The following SZRD1 variants were observed in gnomAD, a reference collection of about 807,000 sequenced individuals.
SZRD1 encodes the protein SUZ RNA binding domain containing 1, also known as SUZ RNA-binding domain-containing.
SZRD1 carries 7 observed loss-of-function variants against 17.6 expected under a neutral mutation model. The observed-to-expected ratio is 0.40, with a 90% CI of 0.23 to 0.75. SZRD1 has a LOEUF of 0.75. Ranked by LOEUF, SZRD1 falls within the 30% of genes least tolerant of loss-of-function variation. The probability of loss-of-function intolerance (pLI) is 0.38; values close to 1 mark genes in which losing one functional copy is unlikely to be tolerated. For synonymous variants in SZRD1, 77 were observed against 77.9 expected (o/e 0.99, Z 0.06); for missense variants, 178 against 201.8 (o/e 0.88, Z 0.71).
intron 1 of SZRD1, among the ~76,000 whole-genome samples, chr1:16,373,307 C>G (rs977773188): frequency 6.6e-6 from 1 of 150,952 alleles, no homozygotes; most frequent in Non-Finnish European, 1.5e-5. Flanking sequence ...TTGCCGGACA[C>G]GATGGCTCAT....
chr1:16,389,080 C>CTT (rs779460255), intron 1 of SZRD1, among the ~76,000 whole-genome samples: 193 of 114,874 alleles, frequency 1.7e-3, no homozygotes, highest in African/African-American at 1.8e-3. Context: ...TAGTTATTTC[C>CTT]TTTTTTTTTT....
intron 3 of SZRD1, among the ~76,000 whole-genome samples, chr1:16,394,217 T>C (rs906476677): frequency 2.0e-5 from 3 of 152,210 alleles, no homozygotes. Context: ...TTTGAAGAGA[T>C]ACCTGTTCTT....
intron 1 of SZRD1, among the ~76,000 whole-genome samples, chr1:16,384,068 C>G (rs932108569): frequency 1.3e-5 from 2 of 152,100 alleles, no homozygotes; most frequent in African/African-American, 4.8e-5. Flanking sequence ...GTGTCCCTCT[C>G]TGGGATTAGT....
In SZRD1 at chr1:16,391,317, C is replaced by CT. The variant is rs367782069; in HGVS notation, c.52-57dup. The CT allele has an allele frequency of 1.8e-3, 2,320 of 1,314,146 alleles. 31 individuals carry two copies. The African/African-American group carries it at 0.029, about 16-fold the overall frequency. The allele number at this position is 1,314,146 out of a possible 1,614,324, so 81.4% of individuals were successfully genotyped here. ...CTGCCCTTAGCTCCAAAAATAAAGA[C>CT]TAAGTTTTTATTTGAGAGAGATTTT... On this transcript the variant is annotated intron_variant, in intron 1 of 3. Transcript: ENST00000401088. This position sits in a 1 kb window ranked among gnomAD's most constrained non-coding sequence, Gnocchi z 4.3.
intron 1 of SZRD1, among the ~76,000 whole-genome samples, chr1:16,376,662 C>T (rs936903341): frequency 6.6e-6 from 1 of 151,058 alleles, no homozygotes; most frequent in Admixed American, 6.6e-5. Flanking sequence ...AAAAATTAGC[C>T]AGGTGTGGTG....
At chr1:16,394,311 A>G (rs2085268719) in intron 3 of SZRD1, among the ~76,000 whole-genome samples, 1 of 151,990 alleles carries the variant, frequency 6.6e-6, no homozygotes, top group African/African-American at 2.4e-5. Context: ...GAGTTTGGAG[A>G]GGAGTGGGAG....
intron 1 of SZRD1, among the ~76,000 whole-genome samples, chr1:16,389,204 C>G (rs1279976174): frequency 6.7e-6 from 1 of 150,154 alleles, no homozygotes; most frequent in Admixed American, 6.6e-5. Context: ...CTGCCTCAGC[C>G]TCCCGAGTAG....
chr1:16,381,880 G>A (rs1179721775), intron 1 of SZRD1, among the ~76,000 whole-genome samples: 3 of 152,102 alleles, frequency 2.0e-5, no homozygotes, highest in East Asian at 1.9e-4. Flanking sequence ...AGCTGAGATC[G>A]TGCCACTGCA....
chr1:16,369,131 TA>T (rs2100684924), intron 1 of SZRD1: 1 of 418,450 alleles, frequency 2.4e-6, no homozygotes, highest in Admixed American at 4.1e-5. Context: ...TTATACAAAA[TA>T]TTCCAGATAA....
At chr1:16,369,838 G>A (rs372536686) in intron 1 of SZRD1, among the ~76,000 whole-genome samples, 4 of 148,598 alleles carry the variant, frequency 2.7e-5, no homozygotes, top group Non-Finnish European at 4.4e-5. Flanking sequence ...GCAGTGAGCC[G>A]AGATCATGCC....
intron 1 of SZRD1, among the ~76,000 whole-genome samples, chr1:16,383,757 T>TTACAGGC (rs1003410407): frequency 6.6e-6 from 1 of 151,712 alleles, no homozygotes; most frequent in African/African-American, 2.4e-5. Context: ...GTAGCTGGGA[T>TTACAGGC]TACAGGCATG....
chr1:16,380,662 TTC>T (rs1254864932), intron 1 of SZRD1, among the ~76,000 whole-genome samples: 1 of 152,126 alleles, frequency 6.6e-6, no homozygotes, highest in Admixed American at 6.6e-5. Context: ...GAGACGGGGT[TTC>T]TCCATGTTGG....
chr1:16,381,286 T>C (rs2083097581), intron 1 of SZRD1, among the ~76,000 whole-genome samples: 1 of 151,864 alleles, frequency 6.6e-6, no homozygotes, highest in Non-Finnish European at 1.5e-5. Context: ...ATGTTGGGCA[T>C]GGTGGCTCAC....
At position 16,395,382 on chromosome 1, in the gene SZRD1, A is replaced by C. The variant is rs1392790359; in HGVS notation, c.*242A>C. The C allele has an allele frequency of 2.0e-6, 1 of 509,050 alleles. No individual in the cohort carries two copies. The highest frequency in any genetic ancestry group is 1.9e-5 in the African/African-American group (1 of 51,758). The allele number at this position is 509,050 out of a possible 1,614,324, so 31.5% of individuals were successfully genotyped here. A position where few individuals can be genotyped will look rare whatever the true frequency, so the allele number is the denominator to read the frequency against. On this transcript the variant is annotated 3_prime_UTR_variant, in exon 4 of 4. Transcript: ENST00000401088. The stretch of plus-strand genomic sequence containing the variant: ...CAAGGGCTGTCCCAAGTCAATGGAA[A>C]GGGAAAGGGTGGGGGTTAGGGGAAG...
chr1:16,381,549 C>T (rs910874560), intron 1 of SZRD1, among the ~76,000 whole-genome samples: 3 of 105,784 alleles, frequency 2.8e-5, no homozygotes, highest in African/African-American at 7.5e-5. Context: ...AGCGAGACTT[C>T]ATCTCAAAAA....
rs2085342657 is a variant in SZRD1 at position 16,398,076 on chromosome 1, C to T, written c.*2936C>T. 5 of 886,646 alleles carry T rather than the reference C, an allele frequency of 5.6e-6. No homozygotes were observed. Among genetic ancestry groups the T allele is most frequent in the Middle Eastern group, 5.7e-4 (1 of 1,748 alleles). 54.9% of individuals were successfully genotyped at this position (886,646 alleles called of 1,614,324 possible). ...TGCCCACTCCCACCCCACCCTGCAC[C>T]GCGGGCTCCTGAGTCGGCAGATTAA... On this transcript the variant is annotated 3_prime_UTR_variant, in exon 4 of 4. Coordinates refer to ENST00000401088, the MANE Select transcript of SZRD1 (RefSeq NM_001114600.3).
At chr1:16,380,344 T>A (rs60956125) in intron 1 of SZRD1, among the ~76,000 whole-genome samples, 20,932 of 150,972 alleles carry the variant, frequency 0.14, 1,714 homozygotes, top group African/African-American at 0.22. Flanking sequence ...TCACCCTGTC[T>A]CCCAGGCTGG....
intron 1 of SZRD1, chr1:16,369,553 CAG>C: frequency 1.4e-6 from 1 of 711,204 alleles, no homozygotes; most frequent in South Asian, 1.5e-5. Context: ...GGCAGAAAGC[CAG>C]AGTTCTTTCT....
chr1:16,371,892 T>G (rs1423739588), intron 1 of SZRD1, among the ~76,000 whole-genome samples: 1 of 152,166 alleles, frequency 6.6e-6, no homozygotes, highest in African/African-American at 2.4e-5. Flanking sequence ...CCTGGCTAAT[T>G]TAAAAAGAAA....
Sources: gnomAD v4.1 joint callset for allele counts (sites outside exome capture counted in the v4.1 genomes callset) on GRCh38, gnomAD v4.1.1 for gene constraint, Gnocchi (gnomAD v3.1) non-coding constraint, MANE v1.5 for transcripts, NCBI Gene and HGNC (gene_info 2026-07-23, HGNC 2026-07-21) for gene names.